The following RRH variants were observed in gnomAD, a reference collection of about 807,000 sequenced individuals.
RRH encodes the protein retinal pigment epithelium-derived rhodopsin homolog.
In RRH, 36 loss-of-function variants were observed where a neutral mutation model predicts 33.1. That is an observed-to-expected ratio of 1.09 (90% CI 0.83 to 1.44). The LOEUF (loss-of-function observed/expected upper bound fraction) is 1.44, where lower values mean the gene tolerates loss of function less well. Ranked by LOEUF, RRH falls within the 40% of genes most tolerant of loss-of-function variation. The pLI, the probability that RRH is intolerant of heterozygous loss-of-function variation, is 0.00. For missense variants in RRH, 393 were observed against 420.2 expected, an observed-to-expected ratio of 0.94 and a Z score of 0.57; for synonymous variants, 124 against 140.2, an observed-to-expected ratio of 0.88 and a Z score of 0.82.
Position 109,833,268 on chromosome 4 carries a change from A to C in RRH, c.236A>C (p.Tyr79Ser), listed in dbSNP as rs779097732. The C allele has an allele frequency of 6.2e-7, 1 of 1,613,980 alleles. No homozygotes were observed. The highest frequency in any genetic ancestry group is 1.7e-5 in the Admixed American group (1 of 60,008). The change falls in exon 2 of 7, where the codon TAT becomes TCT. Residue 79 changes from tyrosine to serine, a missense_variant. Transcript: ENST00000317735. Reference sequence around the variant, plus strand: ...GATATAGGGGTCAGTAGCATTGGCTATCCCATGTCTGCTGCCTCAGATCTG... The same window carrying C: ...GATATAGGGGTCAGTAGCATTGGCTCTCCCATGTCTGCTGCCTCAGATCTG... The part of the protein sequence containing the change: ...VTDIGVSSIG[Y>S]PMSAASDLYG...
intron 4 of RRH, among the ~76,000 whole-genome samples, chr4:109,836,425 C>T (rs577192776): frequency 6.6e-6 from 1 of 152,326 alleles, no homozygotes; most frequent in South Asian, 2.1e-4. Flanking sequence ...GGCAGCAATG[C>T]AGGGTACCAA....
In RRH at chr4:109,836,156, GA is replaced by G. The variant is rs769768449; in HGVS notation, c.548del (p.Asp183ValfsTer9). The G allele has an allele frequency of 3.7e-6, 6 of 1,614,044 alleles. No homozygotes were observed. The Admixed American group carries it at 5.0e-5, about 13-fold the overall frequency. On this transcript the variant is annotated frameshift_variant, in exon 4 of 7. Coordinates refer to ENST00000317735, the MANE Select transcript of RRH (RefSeq NM_006583.5). LOFTEE classifies it high-confidence loss of function. ...ATCTINWRKN[D>X]RSFVSYTMTV... ...GTGTACCATAAACTGGAGGAAAAAT[GA>G]TAGGTAAGAGACAAGTTTACACTTT...
chr4:109,835,509 C>A, intron 3 of RRH, 44 bp downstream of exon 3: 1 of 1,266,362 alleles, frequency 7.9e-7, no homozygotes, highest in Non-Finnish European at 1.2e-6. Context: ...CATTTCTTGA[C>A]TAATGGCCAC....
intron 1 of RRH, among the ~76,000 whole-genome samples, chr4:109,829,296 T>C (rs766546212): frequency 1.3e-5 from 2 of 151,978 alleles, no homozygotes; most frequent in Non-Finnish European, 2.9e-5. Context: ...ACCTCTATGA[T>C]AAGTACTAGA....
At chr4:109,832,005 G>C (rs192179735) in intron 1 of RRH, among the ~76,000 whole-genome samples, 2 of 151,946 alleles carry the variant, frequency 1.3e-5, no homozygotes, top group East Asian at 3.9e-4. Context: ...TTGGTGCTTG[G>C]AAACTGTCCC....
chr4:109,831,068 A>G (rs531415566), intron 1 of RRH, among the ~76,000 whole-genome samples: 37 of 152,318 alleles, frequency 2.4e-4, no homozygotes, highest in African/African-American at 8.7e-4. Context: ...GAGAATAGAG[A>G]AAAGGGCTAA....
At chr4:109,828,936 G>A (rs1733691930) in intron 1 of RRH, among the ~76,000 whole-genome samples, 1 of 151,920 alleles carries the variant, frequency 6.6e-6, no homozygotes, top group Non-Finnish European at 1.5e-5. Context: ...TTGATGTAAA[G>A]GATTGTTTGC....
In RRH at chr4:109,842,568, C is replaced by T. The variant is rs199514197; in HGVS notation, c.820C>T (p.Pro274Ser). 8.5e-5 allele frequency: 137 copies of T among 1,614,010 alleles called. No homozygotes were observed. The Middle Eastern group carries it at 9.9e-4, about 12-fold the overall frequency. Reference protein sequence around the residue: ...SFGDPKKIPPPMAIIAPLFAK... With the variant: ...SFGDPKKIPPSMAIIAPLFAK... ...TGGTGACCCAAAGAAGATTCCTCCC[C>T]CCATGGCCATCATAGCTCCACTGTT... The change falls in exon 6 of 7, where the codon CCC (proline) becomes TCC (serine). Residue 274 changes from proline (P) to serine (S), a missense_variant. Coordinates refer to ENST00000317735, the MANE Select transcript of RRH (RefSeq NM_006583.5).
intron 2 of RRH, among the ~76,000 whole-genome samples, chr4:109,833,880 G>C (rs1733820632): frequency 6.6e-6 from 1 of 152,142 alleles, no homozygotes; most frequent in African/African-American, 2.4e-5. Context: ...AAAAACTATA[G>C]AGAATAAAAT....
At chr4:109,832,622 A>AT (rs752897978) in intron 1 of RRH, among the ~76,000 whole-genome samples, 19 of 151,792 alleles carry the variant, frequency 1.3e-4, no homozygotes, top group South Asian at 2.1e-4. Context: ...GTAAACGACA[A>AT]TGAGTTCAAT....
intron 1 of RRH, among the ~76,000 whole-genome samples, chr4:109,832,487 A>T (rs372240562): frequency 5.0e-5 from 5 of 99,292 alleles, no homozygotes; most frequent in African/African-American, 2.1e-4. Context: ...GCATTCTTCT[A>T]TTGGGGTAGT....
intron 6 of RRH, 133 bp from the exon 7 acceptor site, chr4:109,843,950 A>G: frequency 1.5e-6 from 1 of 675,472 alleles, no homozygotes; most frequent in Non-Finnish European, 2.7e-6. Flanking sequence ...TCAACAGGAC[A>G]TGTTAAAGTT....
At chr4:109,834,245 C>T (rs920707182) in intron 2 of RRH, among the ~76,000 whole-genome samples, 5 of 151,512 alleles carry the variant, frequency 3.3e-5, no homozygotes, top group Non-Finnish European at 7.4e-5. Context: ...ATATAATATT[C>T]CATTTTGTGA....
At chr4:109,837,367 A>C in intron 4 of RRH, 70 bp from the exon 5 acceptor site, 94 of 1,218,478 alleles carry the variant, frequency 7.7e-5, no homozygotes, top group Non-Finnish European at 9.8e-5. Flanking sequence ...TTTAATAATT[A>C]TCTCCTCTTT....
rs1465458147 is a variant in RRH, at chr4:109,835,468, A to G, written c.397+3A>G. On this transcript the variant is annotated splice_donor_region_variant and intron_variant, in intron 3 of 6. Coordinates refer to ENST00000317735, the MANE Select transcript of RRH (RefSeq NM_006583.5). ...GACCATCTGCCTTCCTGACGTAGGT[A>G]CAACACTTTTCTCAGCTTTCTTAAT... The G allele has an allele frequency of 1.9e-6, 3 of 1,605,570 alleles. No homozygotes were observed. The highest frequency in any genetic ancestry group is 1.7e-5 in the Admixed American group (1 of 60,014).
In RRH at chr4:109,833,328, A is replaced by G; in HGVS notation, c.296A>G (p.Gln99Arg). 1 of 1,613,260 alleles carries G rather than the reference A, an allele frequency of 6.2e-7. No individual in the cohort carries two copies. Among genetic ancestry groups the G allele is most frequent in the Non-Finnish European group, 8.5e-7 (1 of 1,179,264 alleles). Residue 99 changes from glutamine (Q) to arginine (R), a missense_variant and splice_region_variant, in exon 2 of 7, where the codon CAG (glutamine) becomes CGG (arginine). Physicochemically the swap from Gln to Arg is conservative, Grantham distance 43. Transcript: ENST00000317735. ...TGGAAATTTGGATACGCAGGCTGTC[A>G]GGTATTGGAGATCATTGGAATGAAA... ...GSWKFGYAGC[Q>R]VYAGLNIFFG...
intron 2 of RRH, among the ~76,000 whole-genome samples, chr4:109,834,758 T>C (rs1733844486): frequency 6.6e-6 from 1 of 152,182 alleles, no homozygotes; most frequent in Admixed American, 6.5e-5. Context: ...GGTTAAGTTG[T>C]AGAGAATGTT....
chr4:109,832,636 A>T (rs1192476977), intron 1 of RRH, among the ~76,000 whole-genome samples: 1 of 152,002 alleles, frequency 6.6e-6, no homozygotes, highest in African/African-American at 2.4e-5. Context: ...GTTCAATGAA[A>T]AAAGAAGATA....
chr4:109,836,293 G>A, intron 4 of RRH, 133 bp downstream of exon 4: 1 of 934,430 alleles, frequency 1.1e-6, no homozygotes, highest in Non-Finnish European at 1.7e-6. Flanking sequence ...GTGATGATGT[G>A]ATTCTCAGTT....
Sources: allele counts gnomAD v4.1 joint callset (sites outside exome capture counted in the v4.1 genomes callset), GRCh38; gene constraint gnomAD v4.1.1; transcripts MANE v1.5; gene names NCBI Gene and HGNC (gene_info 2026-07-23, HGNC 2026-07-21).